The following GLI2 variants were observed in gnomAD, a reference collection of about 807,000 sequenced individuals.
GLI2 encodes the protein GLI family zinc finger 2.
A neutral mutation model predicts 78.9 loss-of-function variants in GLI2; 22 were observed. The observed-to-expected ratio is 0.28, with a 90% CI of 0.20 to 0.40. The LOEUF (loss-of-function observed/expected upper bound fraction) is 0.40. Ranked by LOEUF, GLI2 falls within the 10% of genes least tolerant of loss-of-function variation. The pLI is 1.00. For missense variants in GLI2, 2,097 were observed against 2,213.2 expected (o/e 0.95, Z 1.05); for synonymous variants, 974 against 963.7 (o/e 1.01, Z -0.20).
intron 1 of GLI2, among the ~76,000 whole-genome samples, chr2:120,792,861 T>G (rs931372328): frequency 6.6e-6 from 1 of 152,182 alleles, no homozygotes; most frequent in Non-Finnish European, 1.5e-5. Context: ...GACCTCATGA[T>G]CCGCCTGCCT....
intron 2 of GLI2, among the ~76,000 whole-genome samples, chr2:120,801,067 G>A (rs533512108): frequency 3.3e-5 from 5 of 152,156 alleles, no homozygotes; most frequent in South Asian, 2.1e-4. Context: ...TCCATTCCAC[G>A]GCTAGAATTG....
intron 1 of GLI2, among the ~76,000 whole-genome samples, chr2:120,768,830 C>T (rs3222674): frequency 9.1e-5 from 11 of 121,224 alleles, no homozygotes; most frequent in Non-Finnish European, 1.1e-4. Flanking sequence ...TGTGTGTGTG[C>T]GTGTGTGTGC....
At chr2:120,912,291 T>G (rs1232858974) in intron 2 of GLI2, among the ~76,000 whole-genome samples, 3 of 151,390 alleles carry the variant, frequency 2.0e-5, no homozygotes, top group Middle Eastern at 3.4e-3. Flanking sequence ...TTTTTTTTTT[T>G]GATGTCAGGA....
intron 1 of GLI2, among the ~76,000 whole-genome samples, chr2:120,742,697 G>A (rs1418853779): frequency 1.3e-5 from 1 of 79,094 alleles, no homozygotes; most frequent in African/African-American, 6.5e-5. Flanking sequence ...AAGGAAAGAG[G>A]GAAAGAGAAA....
Position 120,955,331 on chromosome 2 carries a change from CTCGTGGCA to C in GLI2, c.545_552del (p.Leu182ArgfsTer166). 6.2e-7 allele frequency: 1 copy of C among 1,613,452 alleles called. No homozygotes were observed. The highest frequency in any genetic ancestry group is 8.5e-7 in the Non-Finnish European group (1 of 1,179,486). On this transcript the variant is annotated frameshift_variant, in exon 5 of 14. Transcript: ENST00000361492. LOFTEE classifies it high-confidence loss of function. ...CTCAGACTATTACCACCAGATGACCCTCGTGGCAGGCCACCCCGCGCCCTACGGGGACC... is the reference window on the plus strand; with the variant it reads ...CTCAGACTATTACCACCAGATGACCCGGCCACCCCGCGCCCTACGGGGACC...
chr2:120,867,708 C>G (rs1688214239), intron 2 of GLI2, among the ~76,000 whole-genome samples: 2 of 152,228 alleles, frequency 1.3e-5, no homozygotes, highest in Non-Finnish European at 2.9e-5. Context: ...TCTCCCACGT[C>G]CCTTCCCCTT....
At chr2:120,824,486 C>T (rs1013176318) in intron 2 of GLI2, among the ~76,000 whole-genome samples, 1 of 152,220 alleles carries the variant, frequency 6.6e-6, no homozygotes, top group Non-Finnish European at 1.5e-5. Flanking sequence ...CTCTTACGTT[C>T]ACGAGCGCTG....
chr2:120,772,604 C>T (rs976881684), intron 1 of GLI2, among the ~76,000 whole-genome samples: 1 of 152,238 alleles, frequency 6.6e-6, no homozygotes, highest in African/African-American at 2.4e-5. Flanking sequence ...CCAGAGGTTC[C>T]CAGGTCTGCC....
At chr2:120,802,486 C>G (rs1429210082) in intron 2 of GLI2, among the ~76,000 whole-genome samples, 1 of 152,228 alleles carries the variant, frequency 6.6e-6, no homozygotes, top group African/African-American at 2.4e-5. Context: ...AGGTTTTCCC[C>G]TCCTTTAACT....
At chr2:120,942,166 G>A (rs1027997680) in intron 3 of GLI2, among the ~76,000 whole-genome samples, 4 of 152,160 alleles carry the variant, frequency 2.6e-5, no homozygotes, top group African/African-American at 9.7e-5. Flanking sequence ...TTTCCATGAC[G>A]AGTTCATTTC....
intron 3 of GLI2, 95 bp from the exon 4 acceptor site, chr2:120,951,148 C>T: frequency 1.3e-6 from 1 of 786,622 alleles, no homozygotes; most frequent in Non-Finnish European, 2.3e-6. Context: ...GAAAGTCTTT[C>T]CAGGAGAGAC....
chr2:120,835,796 TTGTGTGTGTGTATGTG>T (rs1053971852), intron 2 of GLI2, among the ~76,000 whole-genome samples: 1 of 151,976 alleles, frequency 6.6e-6, no homozygotes, highest in Non-Finnish European at 1.5e-5. Flanking sequence ...GTGTGTGCGT[TTGTGTGTGTGTATGTG>T]TGTGTGTGTA....
chr2:120,806,779 G>A (rs139623646), intron 2 of GLI2, among the ~76,000 whole-genome samples: 1 of 152,318 alleles, frequency 6.6e-6, no homozygotes, highest in Non-Finnish European at 1.5e-5. Flanking sequence ...TGAGGGGTAA[G>A]GAGGGAAAGC....
chr2:120,799,338 G>A (rs1342759430), intron 2 of GLI2, among the ~76,000 whole-genome samples: 1 of 152,204 alleles, frequency 6.6e-6, no homozygotes, highest in Non-Finnish European at 1.5e-5. Context: ...AGGTTCCAGC[G>A]GAGGGTGGAC....
chr2:120,935,148 G>A (rs1028456821), intron 3 of GLI2, among the ~76,000 whole-genome samples: 2 of 152,222 alleles, frequency 1.3e-5, no homozygotes, highest in African/African-American at 4.8e-5. Flanking sequence ...CCTAGAGGAA[G>A]GAGGAGACTT....
chr2:120,851,631 G>A (rs987872719), intron 2 of GLI2, among the ~76,000 whole-genome samples: 3 of 152,198 alleles, frequency 2.0e-5, no homozygotes, highest in African/African-American at 7.2e-5. Flanking sequence ...AGACTGAAAG[G>A]CCCCACCAGG....
At chr2:120,869,823 G>T (rs1688335287) in intron 2 of GLI2, among the ~76,000 whole-genome samples, 1 of 152,136 alleles carries the variant, frequency 6.6e-6, no homozygotes, top group East Asian at 1.9e-4. Context: ...GTTCCCCAAG[G>T]TCAAAGGACA....
intron 1 of GLI2, among the ~76,000 whole-genome samples, chr2:120,791,520 C>T (rs547026954): frequency 5.9e-4 from 90 of 152,278 alleles, no homozygotes; most frequent in Non-Finnish European, 9.3e-4. Context: ...ATCAGGGTGG[C>T]GGTGTGCTCT....
In GLI2 at chr2:120,984,683, C is replaced by G. The variant is rs1292764721; in HGVS notation, c.1845C>G (p.Ser615Arg). 2 of 1,613,520 alleles carry G rather than the reference C, an allele frequency of 1.2e-6. No homozygotes were observed. The highest frequency in any genetic ancestry group is 3.3e-5 in the Admixed American group (2 of 60,000). The change falls in exon 12 of 14, where the codon AGC (serine) becomes AGG (arginine). Residue 615 changes from serine to arginine, a missense_variant. By Grantham distance (110) the Ser-to-Arg change is moderately radical. Transcript: ENST00000361492. ...GCCCAGAGAGCACCGAGGCCAGCAG[C>G]ACCAGCCAGGCCGTGGAGGACTGCC... ...PGGPESTEAS[S>R]TSQAVEDCLH...
Sources: gnomAD v4.1 joint callset for allele counts (sites outside exome capture counted in the v4.1 genomes callset) on GRCh38, gnomAD v4.1.1 for gene constraint, MANE v1.5 for transcripts, NCBI Gene and HGNC (gene_info 2026-07-23, HGNC 2026-07-21) for gene names.